Variants in OR4N2 observed in about 807,000 individuals in gnomAD.
The protein encoded by OR4N2 is olfactory receptor family 4 subfamily N member 2, also known as olfactory receptor 4N2.
For synonymous variants in OR4N2, 141 were observed against 140.4 expected (o/e 1.00, Z -0.03); for missense variants, 307 against 377.6 (o/e 0.81, Z 1.55).
intron 1 of OR4N2, among the ~76,000 whole-genome samples, chr14:19,814,857 T>G (rs1410272682): frequency 3.3e-5 from 5 of 152,244 alleles, no homozygotes; most frequent in African/African-American, 9.6e-5. Context: ...ATGTGGGATA[T>G]TCCCCTCGCT....
At chr14:19,814,010 T>C (rs1188712901) in intron 1 of OR4N2, among the ~76,000 whole-genome samples, 1 of 152,118 alleles carries the variant, frequency 6.6e-6, no homozygotes, top group East Asian at 1.9e-4. Context: ...GTTTTTGAAA[T>C]GTAAAATAAA....
intron 1 of OR4N2, among the ~76,000 whole-genome samples, chr14:19,804,067 G>A (rs1879092879): frequency 6.6e-6 from 1 of 152,180 alleles, no homozygotes; most frequent in South Asian, 2.1e-4. Context: ...TTCTGACTGT[G>A]TTTATTTTTC....
At chr14:19,811,518 C>T (rs1879296756) in intron 1 of OR4N2, among the ~76,000 whole-genome samples, 1 of 152,240 alleles carries the variant, frequency 6.6e-6, no homozygotes, top group Admixed American at 6.5e-5. Flanking sequence ...AGTGCTGGGA[C>T]TATAGGCGTG....
chr14:19,823,262 A>G lies in OR4N2; in HGVS notation c.-9-4178A>G, dbSNP rs184752844. 1.8e-3 allele frequency among the ~76,000 whole-genome samples: 272 copies of G among 152,308 alleles called. 1 individual carries two copies. The highest frequency in any genetic ancestry group is 6.8e-3 in the Middle Eastern group (2 of 294). On this transcript the variant is annotated intron_variant, in intron 1 of 1. Transcript: ENST00000557677. ...CCTATTTTTGAAATTTGTATTCAAT[A>G]TATTTATTTCATTAGGATGCTACTA... is the stretch of plus-strand genomic sequence containing the variant.
chr14:19,804,441 G>C (rs1879114570), intron 1 of OR4N2, among the ~76,000 whole-genome samples: 1 of 152,110 alleles, frequency 6.6e-6, no homozygotes, highest in Non-Finnish European at 1.5e-5. Flanking sequence ...CTTGACTTCT[G>C]CCTGAATTTC....
intron 1 of OR4N2, among the ~76,000 whole-genome samples, chr14:19,824,940 G>T (rs1418177768): frequency 6.6e-6 from 1 of 152,242 alleles, no homozygotes; most frequent in African/African-American, 2.4e-5. Context: ...TGCACAGGGG[G>T]TCTGCCCCCT....
chr14:19,828,030 G>T lies in OR4N2; in HGVS notation c.582G>T (p.Val194=). The change falls in exon 2 of 2, where the codon GTG becomes GTT. Residue 194 remains valine, a synonymous_variant. Coordinates refer to ENST00000557677, the MANE Select transcript of OR4N2 (RefSeq NM_001004723.3). ...AGCTGGCCTGCACCGACACATTTGT[G>T]GTGGAGCTTCTGATGGTCTTCAACA... The part of the protein sequence containing the change: ...VIKLACTDTF[V]VELLMVFNSG... 1 of 1,614,192 alleles carries T rather than the reference G, an allele frequency of 6.2e-7. No individual in the cohort carries two copies.
In OR4N2 at chr14:19,813,841, CTTTT is replaced by C. The variant is rs34020966; in HGVS notation, c.-10+10008_-10+10011del. 1.2e-3 allele frequency among the ~76,000 whole-genome samples: 169 copies of C among 146,060 alleles called. 2 individuals carry two copies. The South Asian group carries it at 0.014, about 12-fold the overall frequency. Reference sequence around the variant, plus strand: ...GACTAGTATCTCTCTGTTTCTTCACCTTTTTTTTTTTTTTAAGTCATACAACTAT... The same window carrying C: ...GACTAGTATCTCTCTGTTTCTTCACCTTTTTTTTTTAAGTCATACAACTAT... On this transcript the variant is annotated intron_variant, in intron 1 of 1. Transcript: ENST00000557677.
chr14:19,827,874 T>C lies in OR4N2; in HGVS notation c.426T>C (p.Tyr142=). The change falls in exon 2 of 2, where the codon TAT becomes TAC. Residue 142 remains tyrosine (Y), a synonymous_variant. Transcript: ENST00000557677. ...CTGTCATGAACCCTAGAACCTGCTA[T>C]GCAATGATGTTGGCTCTGTGGCTTG... The part of the protein sequence containing the change: ...YPTVMNPRTC[Y]AMMLALWLGG... The C allele has an allele frequency of 6.2e-7, 1 of 1,614,264 alleles. No homozygotes were observed. The highest frequency in any genetic ancestry group is 8.5e-7 in the Non-Finnish European group (1 of 1,180,052).
At chr14:19,824,665 G>C (rs1249048996) in intron 1 of OR4N2, among the ~76,000 whole-genome samples, 6 of 152,166 alleles carry the variant, frequency 3.9e-5, no homozygotes, top group Non-Finnish European at 7.3e-5. Context: ...CTCCTCCTCA[G>C]CCTACTCAGT....
chr14:19,812,329 CTTTTT>C (rs3078143), intron 1 of OR4N2, among the ~76,000 whole-genome samples: 1 of 117,438 alleles, frequency 8.5e-6, no homozygotes, highest in Non-Finnish European at 1.7e-5. Context: ...CTTTTCTTTT[CTTTTT>C]TTTTTTTTTT....
chr14:19,805,775 A>G (rs961254709), intron 1 of OR4N2, among the ~76,000 whole-genome samples: 1 of 152,186 alleles, frequency 6.6e-6, no homozygotes, highest in Admixed American at 6.5e-5. Flanking sequence ...TACAAGGCAC[A>G]TAATCTTCAG....
At chr14:19,821,771 T>C (rs752730252) in intron 1 of OR4N2, among the ~76,000 whole-genome samples, 51 of 152,250 alleles carry the variant, frequency 3.3e-4, no homozygotes, top group Non-Finnish European at 5.9e-4. Context: ...ATAACTAATA[T>C]AGCTTGCCTA....
chr14:19,809,169 A>C (rs1274568976), intron 1 of OR4N2, among the ~76,000 whole-genome samples: 1 of 152,202 alleles, frequency 6.6e-6, no homozygotes, highest in Non-Finnish European at 1.5e-5. Flanking sequence ...AAAAAATGAA[A>C]CTTGACCCTT....
chr14:19,811,603 T>G (rs1039244148), intron 1 of OR4N2, among the ~76,000 whole-genome samples: 2 of 152,268 alleles, frequency 1.3e-5, no homozygotes, highest in Non-Finnish European at 1.5e-5. Flanking sequence ...ACATAAAAAG[T>G]TGTGACCAGA....
chr14:19,806,454 A>T (rs1454055277), intron 1 of OR4N2, among the ~76,000 whole-genome samples: 1 of 152,182 alleles, frequency 6.6e-6, no homozygotes, highest in Non-Finnish European at 1.5e-5. Flanking sequence ...GAAACAAGCC[A>T]ACAACAATTA....
chr14:19,822,034 T>C (rs756348561), intron 1 of OR4N2: 36 of 152,364 alleles, frequency 2.4e-4, no homozygotes, highest in Non-Finnish European at 4.9e-4. Context: ...AAAGGGACAA[T>C]AGAAAAAATA....
intron 1 of OR4N2, among the ~76,000 whole-genome samples, chr14:19,820,387 T>G (rs1417199914): frequency 6.6e-6 from 1 of 152,224 alleles, no homozygotes; most frequent in African/African-American, 2.4e-5. Flanking sequence ...AGAGGGTCGA[T>G]TTTAGATCTT....
At chr14:19,823,332 T>C (rs1879612687) in intron 1 of OR4N2, among the ~76,000 whole-genome samples, 1 of 152,360 alleles carries the variant, frequency 6.6e-6, no homozygotes, top group East Asian at 1.9e-4. Flanking sequence ...AATCATCTCA[T>C]TTTTATCAGG....
Sources: gnomAD v4.1 joint callset for allele counts (sites outside exome capture counted in the v4.1 genomes callset) on GRCh38, gnomAD v4.1.1 for gene constraint, MANE v1.5 for transcripts, NCBI Gene and HGNC (gene_info 2026-07-23, HGNC 2026-07-21) for gene names.